The following SLC4A10 variants were observed in gnomAD, a reference collection of about 807,000 sequenced individuals.
The protein encoded by SLC4A10 is solute carrier family 4 member 10, also known as sodium-driven chloride bicarbonate exchanger.
Under a neutral mutation model 137.7 loss-of-function variants are expected in SLC4A10, and 42 were observed. The observed-to-expected ratio is 0.30, with a 90% CI of 0.24 to 0.39. SLC4A10 has a LOEUF of 0.39. Among genes scored for constraint, SLC4A10 ranks in the 10% least tolerant of loss-of-function variants. SLC4A10 has a pLI of 1.00. For missense variants in SLC4A10, 925 were observed against 1,355.0 expected (o/e 0.68, Z 4.98); for synonymous variants, 474 against 464.1 (o/e 1.02, Z -0.27).
chr2:161,624,958 A>C (rs2031990226), intron 1 of SLC4A10, among the ~76,000 whole-genome samples: 1 of 151,724 alleles, frequency 6.6e-6, no homozygotes, highest in African/African-American at 2.4e-5. Flanking sequence ...ATCCCTATCG[A>C]ATTTCCTCCC....
At chr2:161,930,904 T>TTTTGGTTTTG (rs1553629952) in intron 15 of SLC4A10, among the ~76,000 whole-genome samples, 1 of 147,952 alleles carries the variant, frequency 6.8e-6, no homozygotes, top group Non-Finnish European at 1.5e-5. Context: ...CTGCCACATG[T>TTTTGGTTTTG]TTTTGTTTTG....
intron 1 of SLC4A10, among the ~76,000 whole-genome samples, chr2:161,636,282 G>A (rs1057492453): frequency 1.3e-5 from 2 of 152,068 alleles, no homozygotes; most frequent in African/African-American, 4.8e-5. Context: ...TTAACATAAT[G>A]TTCTGTAGGT....
chr2:161,968,074 G>A (rs901589702), intron 23 of SLC4A10, among the ~76,000 whole-genome samples: 1 of 151,536 alleles, frequency 6.6e-6, no homozygotes, highest in African/African-American at 2.4e-5. Flanking sequence ...CCTTTTAGAA[G>A]TTCACAAAAT....
intron 23 of SLC4A10, among the ~76,000 whole-genome samples, chr2:161,970,980 T>TGTTTCTTCCCACCTGGA (rs553237490): frequency 1.3e-5 from 2 of 152,196 alleles, no homozygotes; most frequent in Admixed American, 1.3e-4. Flanking sequence ...TGGCCTACAT[T>TGTTTCTTCCCACCTGGA]GTTTCTTCCC....
At chr2:161,765,391 G>C (rs2050693907) in intron 1 of SLC4A10, among the ~76,000 whole-genome samples, 1 of 152,100 alleles carries the variant, frequency 6.6e-6, no homozygotes, top group African/African-American at 2.4e-5. Flanking sequence ...CGGATCACCT[G>C]AGGTCAGGAG....
chr2:161,862,922 T>C lies in SLC4A10; in HGVS notation c.626T>C (p.Val209Ala), dbSNP rs2060514015. The C allele has an allele frequency of 6.2e-7, 1 of 1,612,172 alleles. No individual in the cohort carries two copies. Among genetic ancestry groups the C allele is most frequent in the East Asian group, 2.2e-5 (1 of 44,844 alleles). ...QVSSGQLNED[V>A]RHRVHEALMK... ...AGCTCAGGTCAGCTGAATGAAGATG[T>C]ACGCCATAGGGTCCATGAGGCATTG... Residue 209 changes from valine (V) to alanine (A), a missense_variant, in exon 6 of 27, where the codon GTA becomes GCA. Coordinates refer to ENST00000446997, the MANE Select transcript of SLC4A10 (RefSeq NM_001178015.2).
intron 2 of SLC4A10, among the ~76,000 whole-genome samples, chr2:161,776,773 G>C (rs1377460259): frequency 6.6e-6 from 1 of 151,642 alleles, no homozygotes; most frequent in Non-Finnish European, 1.5e-5. Context: ...CTGCCATACT[G>C]TTTTCCATAG....
intron 9 of SLC4A10, among the ~76,000 whole-genome samples, chr2:161,882,042 T>G (rs965910783): frequency 7.9e-5 from 12 of 151,804 alleles, no homozygotes; most frequent in Admixed American, 6.6e-4. Context: ...TTTCCCACTT[T>G]CCTTCTCTAA....
chr2:161,783,887 A>G (rs1574948955), intron 2 of SLC4A10, among the ~76,000 whole-genome samples: 1 of 151,882 alleles, frequency 6.6e-6, no homozygotes, highest in African/African-American at 2.4e-5. Context: ...GACAATAATA[A>G]ATCCTTCTCT....
At chr2:161,704,872 T>C (rs574921781) in intron 1 of SLC4A10, among the ~76,000 whole-genome samples, 23 of 151,772 alleles carry the variant, frequency 1.5e-4, no homozygotes, top group African/African-American at 5.5e-4. Flanking sequence ...GCATAAATCT[T>C]AATCTGCCCT....
chr2:161,742,875 T>A (rs1256583041), intron 1 of SLC4A10, among the ~76,000 whole-genome samples: 1 of 152,232 alleles, frequency 6.6e-6, no homozygotes, highest in Non-Finnish European at 1.5e-5. Flanking sequence ...ATCAGTCATG[T>A]TGAGTGTCTT....
chr2:161,640,630 TTCCTTCCTTCCTTCCTTCC>T, intron 1 of SLC4A10, among the ~76,000 whole-genome samples: 1 of 145,642 alleles, frequency 6.9e-6, no homozygotes, highest in African/African-American at 2.6e-5. Context: ...CCTTCCTTCC[TTCCTTCCTTCCTTCCTTCC>T]TTCCTTCCTT....
chr2:161,843,512 A>G (rs989851894), intron 4 of SLC4A10, among the ~76,000 whole-genome samples: 3 of 152,160 alleles, frequency 2.0e-5, no homozygotes, highest in African/African-American at 7.2e-5. Context: ...TGGAAATAAT[A>G]ACAGATATTG....
intron 3 of SLC4A10, among the ~76,000 whole-genome samples, chr2:161,807,387 G>C (rs149214608): frequency 1.9e-3 from 285 of 152,190 alleles, no homozygotes; most frequent in Non-Finnish European, 3.1e-3. Flanking sequence ...CTGAGAACCT[G>C]GCTCTCAGTT....
rs11885612 is a variant in SLC4A10, at chr2:161,957,573, C to A, written c.2793+333C>A. Among the ~76,000 whole-genome samples, 211 of 152,244 alleles carry A rather than the reference C, an allele frequency of 1.4e-3. 1 individual carries two copies. The highest frequency in any genetic ancestry group is 4.7e-3 in the African/African-American group (195 of 41,546). The stretch of plus-strand genomic sequence containing the variant: ...GTGACCCGAATCCATTACAGGCATT[C>A]ATAAAGATTCTATTTTCTTGTCAGT... On this transcript the variant is annotated intron_variant, in intron 20 of 26. Transcript: ENST00000446997.
rs543867256 is a variant in SLC4A10, at chr2:161,884,837, C to T, written c.1194+2393C>T. Among the ~76,000 whole-genome samples, 30 of 152,292 alleles carry T rather than the reference C, an allele frequency of 2.0e-4. 1 individual carries two copies. Among genetic ancestry groups the T allele is most frequent in the African/African-American group, 7.2e-4 (30 of 41,574 alleles). ...AACAGATTTGTATTTCTCAAAGCCT[C>T]GGTGAGGCAATTGTTCTGCTTATCT... On this transcript the variant is annotated intron_variant, in intron 10 of 26. Transcript: ENST00000446997.
At chr2:161,668,375 T>C (rs1341543421) in intron 1 of SLC4A10, among the ~76,000 whole-genome samples, 1 of 151,744 alleles carries the variant, frequency 6.6e-6, no homozygotes, top group Non-Finnish European at 1.5e-5. Context: ...TCATGTAGAA[T>C]AATTAGGTTT....
chr2:161,721,723 T>C (rs573210619), intron 1 of SLC4A10, among the ~76,000 whole-genome samples: 4 of 152,330 alleles, frequency 2.6e-5, no homozygotes, highest in Admixed American at 6.5e-5. Context: ...TGAATTTGAA[T>C]GTTGGCCTGT....
intron 1 of SLC4A10, among the ~76,000 whole-genome samples, chr2:161,653,789 A>G (rs1162928962): frequency 2.6e-5 from 4 of 152,228 alleles, no homozygotes; most frequent in Non-Finnish European, 4.4e-5. Flanking sequence ...GCGTTCATCC[A>G]TCAGTGGATA....
Sources: gnomAD v4.1 joint callset for allele counts (sites outside exome capture counted in the v4.1 genomes callset) on GRCh38, gnomAD v4.1.1 for gene constraint, MANE v1.5 for transcripts, NCBI Gene and HGNC (gene_info 2026-07-23, HGNC 2026-07-21) for gene names.